Variants in KCNMA1 observed in about 807,000 individuals in gnomAD.
KCNMA1 encodes potassium calcium-activated channel subfamily M alpha 1.
Under a neutral mutation model 140.0 loss-of-function variants are expected in KCNMA1, and 29 were observed. The observed-to-expected ratio is 0.21, with a 90% CI of 0.15 to 0.28. The LOEUF (loss-of-function observed/expected upper bound fraction) is 0.28. Among genes scored for constraint, KCNMA1 ranks in the 10% least tolerant of loss-of-function variants. The pLI is 1.00. For synonymous variants in KCNMA1, 612 were observed against 611.9 expected (o/e 1.00, Z 0.00); for missense variants, 880 against 1,602.2 (o/e 0.55, Z 7.70).
intron 1 of KCNMA1, among the ~76,000 whole-genome samples, chr10:77,448,717 C>CA (rs2097573793): frequency 6.6e-6 from 1 of 152,066 alleles, no homozygotes; most frequent in South Asian, 2.1e-4. Flanking sequence ...TTTAAATCTT[C>CA]AAATCATCAA....
chr10:76,947,241 G>A (rs185591476), intron 22 of KCNMA1, among the ~76,000 whole-genome samples: 4 of 152,274 alleles, frequency 2.6e-5, no homozygotes. Context: ...GGAGACTGAG[G>A]CAGGAGAATC....
intron 19 of KCNMA1, among the ~76,000 whole-genome samples, chr10:76,977,284 C>T (rs1592560924): frequency 6.6e-6 from 1 of 152,176 alleles, no homozygotes; most frequent in African/African-American, 2.4e-5. Flanking sequence ...TAGCCTGCCA[C>T]CTGTTTTTGT....
intron 6 of KCNMA1, among the ~76,000 whole-genome samples, chr10:77,117,723 G>A (rs756122449): frequency 2.7e-4 from 41 of 152,228 alleles, no homozygotes; most frequent in Middle Eastern, 6.8e-3. Context: ...TCCTCTGACA[G>A]TAGAATAAGT....
intron 3 of KCNMA1, among the ~76,000 whole-genome samples, chr10:77,207,360 G>T (rs1467907885): frequency 2.0e-5 from 3 of 152,166 alleles, no homozygotes; most frequent in African/African-American, 4.8e-5. Context: ...CAGACCAGGG[G>T]TTCAAACTCT....
At chr10:76,944,484 T>G (rs1211151871) in intron 23 of KCNMA1, among the ~76,000 whole-genome samples, 1 of 152,170 alleles carries the variant, frequency 6.6e-6, no homozygotes, top group Non-Finnish European at 1.5e-5. Flanking sequence ...CTGATGACAC[T>G]GGTCATGAAG....
At chr10:77,049,606 C>A (rs11001991) in intron 14 of KCNMA1, among the ~76,000 whole-genome samples, 5 of 152,142 alleles carry the variant, frequency 3.3e-5, no homozygotes, top group Non-Finnish European at 5.9e-5. Flanking sequence ...ATAAGAGGTG[C>A]TGGGTTAATA....
intron 2 of KCNMA1, among the ~76,000 whole-genome samples, chr10:77,366,773 G>T (rs947346039): frequency 1.3e-5 from 2 of 152,208 alleles, no homozygotes; most frequent in Non-Finnish European, 2.9e-5. Context: ...GGAGTGGGCA[G>T]CACAGATTGT....
intron 19 of KCNMA1, among the ~76,000 whole-genome samples, chr10:76,971,651 C>T (rs1289567079): frequency 6.6e-6 from 1 of 152,126 alleles, no homozygotes; most frequent in African/African-American, 2.4e-5. Flanking sequence ...CTTCCTCTGA[C>T]ACCCACCAGG....
At chr10:77,595,877 C>T (rs1031665339) in intron 1 of KCNMA1, among the ~76,000 whole-genome samples, 1 of 152,178 alleles carries the variant, frequency 6.6e-6, no homozygotes, top group Admixed American at 6.5e-5. Context: ...GTCTCGAACT[C>T]CTGACCTCGT....
At chr10:77,513,007 G>A (rs371933176) in intron 1 of KCNMA1, among the ~76,000 whole-genome samples, 1 of 152,028 alleles carries the variant, frequency 6.6e-6, no homozygotes, top group African/African-American at 2.4e-5. Context: ...GATCACACGC[G>A]TGGCTGCCTA....
chr10:77,556,913 C>T (rs2064713145), intron 1 of KCNMA1, among the ~76,000 whole-genome samples: 1 of 150,070 alleles, frequency 6.7e-6, no homozygotes, highest in Non-Finnish European at 1.5e-5. Context: ...TCAAACCAAT[C>T]TCCTAGGACC....
chr10:77,604,696 A>G (rs370302948), intron 1 of KCNMA1, among the ~76,000 whole-genome samples: 164 of 142,688 alleles, frequency 1.1e-3, no homozygotes, highest in African/African-American at 3.4e-3. Flanking sequence ...CCCGCCCCCC[A>G]AAAAAAAGAG....
chr10:77,217,577 G>A, intron 3 of KCNMA1: 1 of 456,340 alleles, frequency 2.2e-6, no homozygotes, highest in South Asian at 1.6e-5. Flanking sequence ...TGAAAACATG[G>A]AGATACTTAC....
chr10:76,961,946 T>C (rs2071661363), intron 20 of KCNMA1, among the ~76,000 whole-genome samples: 2 of 152,236 alleles, frequency 1.3e-5, no homozygotes, highest in South Asian at 2.1e-4. Context: ...GAGCCTGCAA[T>C]ATCTCTGAGG....
chr10:76,903,652 A>C (rs1356477453), intron 25 of KCNMA1: 1 of 152,224 alleles, frequency 6.6e-6, no homozygotes, highest in African/African-American at 2.4e-5. Flanking sequence ...GAGTGTAAGA[A>C]ATAGGGTTAT....
chr10:77,338,891 T>C (rs1341116453), intron 2 of KCNMA1, among the ~76,000 whole-genome samples: 1 of 152,206 alleles, frequency 6.6e-6, no homozygotes, highest in African/African-American at 2.4e-5. Flanking sequence ...CTCAATTCCC[T>C]TTGTCTACAA....
rs1467111329 is a variant in KCNMA1 at position 77,560,452 on chromosome 10, T to C, written c.378+76813A>G. Reference sequence around the variant, plus strand: ...GCCCCTGATCTAGCTAACTCCACTCTATCATTGATGAGGAAACTGAGGCTC... The same window carrying C: ...GCCCCTGATCTAGCTAACTCCACTCCATCATTGATGAGGAAACTGAGGCTC... On this transcript the variant is annotated intron_variant, in intron 1 of 27. Coordinates refer to ENST00000286628, the MANE Select transcript of KCNMA1 (RefSeq NM_001161352.2). Among the ~76,000 whole-genome samples the C allele has an allele frequency of 3.3e-5, 5 of 152,216 alleles. No individual in the cohort carries two copies. In the East Asian group the frequency reaches 5.8e-4, roughly 18 times the overall value.
intron 2 of KCNMA1, among the ~76,000 whole-genome samples, chr10:77,325,564 C>T (rs554063840): frequency 2.6e-5 from 4 of 152,294 alleles, no homozygotes; most frequent in African/African-American, 9.6e-5. Flanking sequence ...GGAGGATGAC[C>T]TTCAAGGCCA....
At chr10:77,189,926 A>G (rs1201722027) in intron 3 of KCNMA1, among the ~76,000 whole-genome samples, 2 of 152,166 alleles carry the variant, frequency 1.3e-5, no homozygotes, top group Non-Finnish European at 2.9e-5. Flanking sequence ...TTCATATAGT[A>G]ACTCTAAGCC....
Sources: gnomAD v4.1 joint callset for allele counts (sites outside exome capture counted in the v4.1 genomes callset) on GRCh38, gnomAD v4.1.1 for gene constraint, MANE v1.5 for transcripts, NCBI Gene and HGNC (gene_info 2026-07-23, HGNC 2026-07-21) for gene names.